Variants in CCDC60 observed in about 807,000 individuals in gnomAD.
CCDC60 encodes coiled-coil domain-containing protein 60.
Under a neutral mutation model 63.5 loss-of-function variants are expected in CCDC60, and 54 were observed. That is an observed-to-expected ratio of 0.85 (90% CI 0.68 to 1.07). CCDC60 has a LOEUF of 1.07. CCDC60 is among the 50% of genes least tolerant of loss of function. The pLI, the probability that CCDC60 is intolerant of heterozygous loss-of-function variation, is 0.00. For missense variants in CCDC60, 651 were observed against 684.3 expected, an observed-to-expected ratio of 0.95 and a Z score of 0.54; for synonymous variants, 206 against 238.8, an observed-to-expected ratio of 0.86 and a Z score of 1.27.
At chr12:119,468,987 C>A (rs1315565841) in intron 2 of CCDC60, among the ~76,000 whole-genome samples, 3 of 151,400 alleles carry the variant, frequency 2.0e-5, no homozygotes, top group African/African-American at 7.3e-5. Flanking sequence ...CCTTTTTTAC[C>A]TACTTAAATA....
At chr12:119,480,871 A>G (rs1471013349) in intron 4 of CCDC60, among the ~76,000 whole-genome samples, 3 of 149,934 alleles carry the variant, frequency 2.0e-5, no homozygotes, top group African/African-American at 7.4e-5. Flanking sequence ...CATCATCACC[A>G]TCACCATCAT....
chr12:119,388,104 T>C, intron 1 of CCDC60: 1 of 152,192 alleles, frequency 6.6e-6, no homozygotes, highest in East Asian at 1.9e-4. Context: ...GGTGCTTTCT[T>C]TCCATCTTTC....
intron 1 of CCDC60, among the ~76,000 whole-genome samples, chr12:119,393,412 C>G (rs1447822012): frequency 6.6e-6 from 1 of 152,216 alleles, no homozygotes; most frequent in Non-Finnish European, 1.5e-5. Flanking sequence ...CAGTCATTCT[C>G]TCTTTCACAA....
At position 119,456,007 on chromosome 12, in the gene CCDC60, GAAAGAAAGAAAGAA is replaced by G. The variant is rs1566019384; in HGVS notation, c.171-15985_171-15972del. Among the ~76,000 whole-genome samples, 347 of 113,572 alleles carry G rather than the reference GAAAGAAAGAAAGAA, an allele frequency of 3.1e-3. 7 individuals are homozygous for G. The highest frequency in any genetic ancestry group is 0.011 in the African/African-American group (307 of 28,590). 74.5% of individuals were successfully genotyped at this position (113,572 alleles called of 152,430 possible). On this transcript the variant is annotated intron_variant, in intron 2 of 13. Coordinates refer to ENST00000327554, the MANE Select transcript of CCDC60 (RefSeq NM_178499.5). The surrounding 1 kb of genome is among the most constrained non-coding windows in gnomAD (Gnocchi z 4.6). ...AGAGAAAGAGAGAGAGAAAGAGAAA[GAAAGAAAGAAAGAA>G]AGAAAGAAAGAAAGAAAGAAAGAAA...
chr12:119,523,407 C>T (rs1381700969), intron 10 of CCDC60, among the ~76,000 whole-genome samples: 1 of 152,224 alleles, frequency 6.6e-6, no homozygotes, highest in East Asian at 1.9e-4. Context: ...GCTCCAAATT[C>T]CATCTCCCGT....
chr12:119,525,931 A>G (rs1952666138), intron 11 of CCDC60, among the ~76,000 whole-genome samples: 1 of 152,212 alleles, frequency 6.6e-6, no homozygotes, highest in African/African-American at 2.4e-5. Flanking sequence ...AATTATATGG[A>G]ACCAAAAAAG....
intron 1 of CCDC60, among the ~76,000 whole-genome samples, chr12:119,382,032 G>A (rs1292377152): frequency 6.6e-6 from 1 of 152,206 alleles, no homozygotes; most frequent in African/African-American, 2.4e-5. Context: ...GTGCTTGAGA[G>A]AGAGAGATAA....
chr12:119,416,795 G>C (rs942604430), intron 1 of CCDC60, among the ~76,000 whole-genome samples: 1 of 152,056 alleles, frequency 6.6e-6, no homozygotes, highest in Non-Finnish European at 1.5e-5. Flanking sequence ...ACAAATCAAG[G>C]GTTGGGCCAG....
chr12:119,444,734 T>C (rs982443204), intron 2 of CCDC60, among the ~76,000 whole-genome samples: 11 of 152,174 alleles, frequency 7.2e-5, no homozygotes, highest in Non-Finnish European at 1.5e-5. Flanking sequence ...CACACCATCA[T>C]CGCTCTCAGA....
intron 1 of CCDC60, among the ~76,000 whole-genome samples, chr12:119,348,594 A>C (rs1697653483): frequency 6.6e-6 from 1 of 152,148 alleles, no homozygotes; most frequent in South Asian, 2.1e-4. Flanking sequence ...GAAAGCTCTC[A>C]CCTGTAATAG....
chr12:119,473,274 C>T (rs1657604517), intron 3 of CCDC60, among the ~76,000 whole-genome samples: 1 of 152,142 alleles, frequency 6.6e-6, no homozygotes, highest in South Asian at 2.1e-4. Flanking sequence ...AAAGGAAGTG[C>T]CAAGGCAGCC....
intron 1 of CCDC60, among the ~76,000 whole-genome samples, chr12:119,382,201 T>C (rs1956014358): frequency 6.6e-6 from 1 of 152,254 alleles, no homozygotes; most frequent in Non-Finnish European, 1.5e-5. Context: ...TGTTCAGTAA[T>C]TAAAATTTTC....
chr12:119,490,139 T>C (rs189837973), intron 5 of CCDC60, among the ~76,000 whole-genome samples: 34 of 152,220 alleles, frequency 2.2e-4, no homozygotes, highest in African/African-American at 7.9e-4. Flanking sequence ...AAGACATTTA[T>C]TACCCATCCC....
At chr12:119,375,623 T>A (rs1023243229) in intron 1 of CCDC60, among the ~76,000 whole-genome samples, 3 of 152,102 alleles carry the variant, frequency 2.0e-5, no homozygotes, top group African/African-American at 7.2e-5. Flanking sequence ...ACTTAATCAA[T>A]CAAAATAATG....
chr12:119,518,760 A>T (rs1163076041), intron 8 of CCDC60, among the ~76,000 whole-genome samples: 2 of 152,024 alleles, frequency 1.3e-5, no homozygotes, highest in Non-Finnish European at 2.9e-5. Context: ...TATCTCACAC[A>T]TGTTGCCCCA....
At chr12:119,451,471 GC>G (rs1017128712) in intron 2 of CCDC60, among the ~76,000 whole-genome samples, 15 of 152,014 alleles carry the variant, frequency 9.9e-5, no homozygotes, top group Non-Finnish European at 2.1e-4. Context: ...GCCTCTCTGG[GC>G]CTCAGTTTCC....
intron 9 of CCDC60, 29 bp downstream of exon 9, chr12:119,520,221 G>T (rs2136488825): frequency 6.3e-7 from 1 of 1,595,308 alleles, no homozygotes; most frequent in South Asian, 1.1e-5. Flanking sequence ...TGCAGCAGGT[G>T]CCTCCGAAGG....
At chr12:119,371,719 G>A (rs986395244) in intron 1 of CCDC60, among the ~76,000 whole-genome samples, 32 of 152,146 alleles carry the variant, frequency 2.1e-4, no homozygotes, top group African/African-American at 6.3e-4. Context: ...CCCCAGAGTT[G>A]TTCATTTCTT....
intron 1 of CCDC60, among the ~76,000 whole-genome samples, chr12:119,424,181 T>C (rs1956862275): frequency 6.6e-6 from 1 of 152,234 alleles, no homozygotes; most frequent in Non-Finnish European, 1.5e-5. Context: ...TAAAACCTAA[T>C]TTGTATCAGA....
Sources: gnomAD v4.1 joint callset for allele counts (sites outside exome capture counted in the v4.1 genomes callset) on GRCh38, gnomAD v4.1.1 for gene constraint, Gnocchi (gnomAD v3.1) non-coding constraint, MANE v1.5 for transcripts, NCBI Gene and HGNC (gene_info 2026-07-23, HGNC 2026-07-21) for gene names.